The following MEF2A variants were observed in gnomAD, a reference collection of about 807,000 sequenced individuals.
The protein encoded by MEF2A is myocyte-specific enhancer factor 2A.
A neutral mutation model predicts 55.8 loss-of-function variants in MEF2A; 28 were observed. The ratio of observed to expected loss-of-function variants is 0.50; its 90% confidence interval spans 0.37 to 0.69. The LOEUF (loss-of-function observed/expected upper bound fraction) is 0.69. MEF2A is among the 30% of genes least tolerant of loss of function. The probability of loss-of-function intolerance (pLI) is 0.00; values close to 1 mark genes in which losing one functional copy is unlikely to be tolerated. For missense variants in MEF2A, 528 were observed against 626.2 expected (o/e 0.84, Z 1.67); for synonymous variants, 239 against 227.1 (o/e 1.05, Z -0.47).
At chr15:99,675,634 A>C (rs538347098) in intron 7 of MEF2A, among the ~76,000 whole-genome samples, 176 bp downstream of exon 7, 1 of 152,378 alleles carries the variant, frequency 6.6e-6, no homozygotes, top group South Asian at 2.1e-4. Context: ...TACCAAAGTT[A>C]GACTGTTACC....
intron 7 of MEF2A, among the ~76,000 whole-genome samples, chr15:99,676,394 CTT>C (rs533388768): frequency 4.9e-5 from 7 of 144,296 alleles, no homozygotes; most frequent in Admixed American, 6.9e-5. Flanking sequence ...TTTTGTGTCC[CTT>C]TTTTTTTTTA....
intron 2 of MEF2A, among the ~76,000 whole-genome samples, chr15:99,615,218 G>A (rs905354066): frequency 6.6e-6 from 1 of 152,134 alleles, no homozygotes; most frequent in Non-Finnish European, 1.5e-5. Context: ...AGTTGAGAAT[G>A]TGGTTGGATA....
chr15:99,574,656 G>T (rs1246038610), intron 1 of MEF2A, among the ~76,000 whole-genome samples: 1 of 152,164 alleles, frequency 6.6e-6, no homozygotes, highest in African/African-American at 2.4e-5. Context: ...TGATCTGACA[G>T]GAGGTGGAGC....
At chr15:99,583,850 A>G (rs1353397202) in intron 1 of MEF2A, among the ~76,000 whole-genome samples, 1 of 152,158 alleles carries the variant, frequency 6.6e-6, no homozygotes, top group East Asian at 1.9e-4. Context: ...GTCATGAGTC[A>G]CTTAATGACA....
At chr15:99,610,990 C>G (rs1977059002) in intron 2 of MEF2A, among the ~76,000 whole-genome samples, 1 of 152,200 alleles carries the variant, frequency 6.6e-6, no homozygotes, top group Non-Finnish European at 1.5e-5. Flanking sequence ...GCCTATAATC[C>G]CAGCACTTCG....
intron 3 of MEF2A, among the ~76,000 whole-genome samples, chr15:99,638,013 G>A (rs1215657025): frequency 6.6e-6 from 1 of 152,160 alleles, no homozygotes; most frequent in Non-Finnish European, 1.5e-5. Context: ...GCATTTCTCT[G>A]ATGGCTAATG....
rs1392116650 is a variant in MEF2A, at chr15:99,714,387, G to A, written c.*1616G>A. 1.3e-5 allele frequency: 2 copies of A among 152,316 alleles called. No individual in the cohort carries two copies. Among genetic ancestry groups the A allele is most frequent in the African/African-American group, 2.4e-5 (1 of 41,574 alleles). 9.4% of individuals were successfully genotyped at this position (152,316 alleles called of 1,614,324 possible). A position where few individuals can be genotyped will look rare whatever the true frequency, so the allele number is the denominator to read the frequency against. On this transcript the variant is annotated 3_prime_UTR_variant, in exon 12 of 12. Transcript: ENST00000557942. ...TAAATGATTAGGGGAAAATAATCAT[G>A]GGGAAAGGGATCTTTTTTCCTTGAC... is the stretch of plus-strand genomic sequence containing the variant.
chr15:99,578,429 T>G (rs750338865), intron 1 of MEF2A, among the ~76,000 whole-genome samples: 2 of 152,210 alleles, frequency 1.3e-5, no homozygotes, highest in Non-Finnish European at 2.9e-5. Context: ...AAAGCTCTTC[T>G]TCACTTTCTG....
intron 8 of MEF2A, among the ~76,000 whole-genome samples, chr15:99,698,156 G>T (rs1597244362): frequency 1.3e-5 from 2 of 152,142 alleles, no homozygotes; most frequent in African/African-American, 4.8e-5. Context: ...CAAAAAGCAG[G>T]ATCCATAAAG....
In MEF2A at chr15:99,715,263, A is replaced by G. The variant is rs888162651; in HGVS notation, c.*2492A>G. ...GCATGTTCATGAACTTCTGCTGTACATTGGAATAGGAGTTAACACATTCAC... is the reference window on the plus strand; with the variant it reads ...GCATGTTCATGAACTTCTGCTGTACGTTGGAATAGGAGTTAACACATTCAC... On this transcript the variant is annotated 3_prime_UTR_variant, in exon 12 of 12. Transcript: ENST00000557942. 2.6e-5 allele frequency: 4 copies of G among 152,312 alleles called. No individual in the cohort carries two copies. Among genetic ancestry groups the G allele is most frequent in the African/African-American group, 7.2e-5 (3 of 41,576 alleles). The allele number at this position is 152,312 out of a possible 1,614,324, so 9.4% of individuals were successfully genotyped here.
At chr15:99,572,000 T>C (rs1962509324) in intron 1 of MEF2A, among the ~76,000 whole-genome samples, 1 of 146,904 alleles carries the variant, frequency 6.8e-6, no homozygotes, top group African/African-American at 2.5e-5. Context: ...CTTTTTCTTC[T>C]TGCTCCATAG....
At chr15:99,601,854 TGTGTCA>T (rs1973195205) in intron 2 of MEF2A, among the ~76,000 whole-genome samples, 1 of 40,324 alleles carries the variant, frequency 2.5e-5, no homozygotes. Context: ...TGTGTGTGTG[TGTGTCA>T]GGGTAATGCT....
At chr15:99,642,774 C>G (rs1033723629) in intron 3 of MEF2A, among the ~76,000 whole-genome samples, 2 of 152,206 alleles carry the variant, frequency 1.3e-5, no homozygotes, top group Non-Finnish European at 2.9e-5. Flanking sequence ...AGAGGATCCT[C>G]TCAGAGGACA....
chr15:99,712,923 ATGTGTGGGTG>A lies in MEF2A; in HGVS notation c.*158_*167del, dbSNP rs1597358403. On this transcript the variant is annotated 3_prime_UTR_variant, in exon 12 of 12. Transcript: ENST00000557942. The surrounding 1 kb of genome is among the most constrained non-coding windows in gnomAD (Gnocchi z 4.1). ...TATATGTATGTGGGTGTGAGTGTGT[ATGTGTGGGTG>A]TGTGTTACATACACAGAATCAGGCA... is the stretch of plus-strand genomic sequence containing the variant. 8.1e-6 allele frequency: 5 copies of A among 615,642 alleles called. No individual in the cohort carries two copies. The highest frequency in any genetic ancestry group is 7.4e-6 in the Non-Finnish European group (3 of 403,758). The allele number at this position is 615,642 out of a possible 1,614,324, so 38.1% of individuals were successfully genotyped here.
intron 5 of MEF2A, 34 bp from the exon 6 acceptor site, chr15:99,674,359 C>A: frequency 1.3e-6 from 2 of 1,555,608 alleles, no homozygotes; most frequent in Non-Finnish European, 1.7e-6. Context: ...AATACGAAAC[C>A]AACAGTTTTT....
intron 9 of MEF2A, among the ~76,000 whole-genome samples, chr15:99,704,016 T>C (rs2057737909): frequency 6.6e-6 from 1 of 152,234 alleles, no homozygotes; most frequent in South Asian, 2.1e-4. Context: ...GAAAATAAAC[T>C]TGACTAAAAG....
rs990903709 is a variant in MEF2A, at chr15:99,674,401, G to C, written c.399G>C (p.Leu133=). The C allele has an allele frequency of 1.6e-5, 26 of 1,598,640 alleles. No homozygotes were observed. Among genetic ancestry groups the C allele is most frequent in the Non-Finnish European group, 2.2e-5 (26 of 1,169,044 alleles). ...DFIFKRGPPG[L]PPQNFSMSVT... Reference sequence around the variant, plus strand: ...TTTTTCTTTATTTACAGCCTGGTCTGCCACCTCAGAACTTTTCAATGTCTG... The same window carrying C: ...TTTTTCTTTATTTACAGCCTGGTCTCCCACCTCAGAACTTTTCAATGTCTG... The change falls in exon 6 of 12, where the codon CTG becomes CTC. Residue 133 remains leucine, a synonymous_variant. Coordinates refer to ENST00000557942, the MANE Select transcript of MEF2A (RefSeq NM_001319206.4).
chr15:99,706,933 T>TTTTTTTTTTTTTTTTTTTTTTG (rs1245427095), intron 10 of MEF2A, 78 bp downstream of exon 10: 1 of 1,457,848 alleles, frequency 6.9e-7, no homozygotes, highest in African/African-American at 1.4e-5. Context: ...TGATTTTTTT[T>TTTTTTTTTTTTTTTTTTTTTTG]AAGTATATTT....
At chr15:99,706,230 A>G (rs966997888) in intron 9 of MEF2A, among the ~76,000 whole-genome samples, 1 of 152,270 alleles carries the variant, frequency 6.6e-6, no homozygotes, top group Admixed American at 6.5e-5. Flanking sequence ...TTGGAGAGAA[A>G]GAAATAAGAA....
Sources: gnomAD v4.1 joint callset for allele counts (sites outside exome capture counted in the v4.1 genomes callset) on GRCh38, gnomAD v4.1.1 for gene constraint, Gnocchi (gnomAD v3.1) non-coding constraint, MANE v1.5 for transcripts, NCBI Gene and HGNC (gene_info 2026-07-23, HGNC 2026-07-21) for gene names.